KCNE1: variants seen among roughly 807,000 people sequenced by gnomAD.
KCNE1 encodes the protein potassium voltage-gated channel subfamily E member 1.
A neutral mutation model predicts 2.9 loss-of-function variants in KCNE1; 1 was observed. That is an observed-to-expected ratio of 0.34 (90% CI 0.12 to 1.62). KCNE1 has a LOEUF of 1.62. KCNE1 is among the 40% of genes most tolerant of loss of function. KCNE1 has a pLI of 0.36. For synonymous variants in KCNE1, 23 were observed against 65.4 expected, an observed-to-expected ratio of 0.35 and a Z score of 3.13; for missense variants, 45 against 150.5, an observed-to-expected ratio of 0.30 and a Z score of 3.67.
chr21:34,450,305 C>T (rs1040800301), intron 3 of KCNE1, among the ~76,000 whole-genome samples: 1 of 48,622 alleles, frequency 2.1e-5, no homozygotes, highest in Non-Finnish European at 3.7e-5. Flanking sequence ...ACTGGTTGCC[C>T]TTGGAAGCAA....
At chr21:34,503,909 C>T (rs1016153137) in intron 2 of KCNE1, among the ~76,000 whole-genome samples, 49 of 152,220 alleles carry the variant, frequency 3.2e-4, no homozygotes, top group Admixed American at 3.3e-4. Flanking sequence ...GCGCACCTCA[C>T]CTTGTGAATT....
At chr21:34,497,947 T>C (rs1199871078) in intron 2 of KCNE1, among the ~76,000 whole-genome samples, 1 of 152,126 alleles carries the variant, frequency 6.6e-6, no homozygotes, top group Non-Finnish European at 1.5e-5. Context: ...AGCTCTGAAG[T>C]TCTTTCGTCT....
At chr21:34,496,069 T>A (rs1982788287) in intron 2 of KCNE1, among the ~76,000 whole-genome samples, 1 of 151,380 alleles carries the variant, frequency 6.6e-6, no homozygotes, top group African/African-American at 2.4e-5. Context: ...GAGGTTCAGC[T>A]CAAATACTTT....
chr21:34,503,822 T>C (rs911454691), intron 2 of KCNE1, among the ~76,000 whole-genome samples: 1 of 152,244 alleles, frequency 6.6e-6, no homozygotes, highest in Non-Finnish European at 1.5e-5. Flanking sequence ...TAGATTCTTA[T>C]GAAAGGTAGG....
At chr21:34,497,755 T>C (rs1034412939) in intron 2 of KCNE1, among the ~76,000 whole-genome samples, 19 of 152,340 alleles carry the variant, frequency 1.2e-4, no homozygotes, top group Admixed American at 4.6e-4. Flanking sequence ...TCCTCAATTG[T>C]TCCCTCAAAT....
chr21:34,508,296 G>A lies in KCNE1; in HGVS notation c.-162+2805C>T, dbSNP rs145484116. ...GCCCGCCTCGGCTTTCCAAAGTGCT[G>A]GGATTATAGGCGTGAGCCACTGCAC... On this transcript the variant is annotated intron_variant, in intron 2 of 3. Transcript: ENST00000399286. Among the ~76,000 whole-genome samples the A allele has an allele frequency of 5.7e-3, 871 of 151,824 alleles. 3 individuals carry two copies. Among genetic ancestry groups the A allele is most frequent in the Non-Finnish European group, 0.01 (699 of 67,962 alleles).
intron 2 of KCNE1, among the ~76,000 whole-genome samples, chr21:34,496,841 C>T (rs958823339): frequency 1.3e-5 from 2 of 152,108 alleles, no homozygotes; most frequent in African/African-American, 4.8e-5. Context: ...TTTGAGAGCT[C>T]CAGTGTTGGG....
At chr21:34,498,521 G>A (rs753114779) in intron 2 of KCNE1, among the ~76,000 whole-genome samples, 3 of 152,194 alleles carry the variant, frequency 2.0e-5, no homozygotes, top group Non-Finnish European at 4.4e-5. Context: ...CTGGTGCTGC[G>A]GAATGTCTGC....
At chr21:34,496,264 A>G (rs1264697376) in intron 2 of KCNE1, among the ~76,000 whole-genome samples, 1 of 152,006 alleles carries the variant, frequency 6.6e-6, no homozygotes, top group Non-Finnish European at 1.5e-5. Flanking sequence ...TAGTAGAGAC[A>G]GGGTTTCACC....
chr21:34,496,566 T>TG (rs2123502101), intron 2 of KCNE1, among the ~76,000 whole-genome samples: 1 of 152,344 alleles, frequency 6.6e-6, no homozygotes, highest in East Asian at 1.9e-4. Context: ...TTGAGATGTT[T>TG]TTTGTGGCCT....
intron 2 of KCNE1, among the ~76,000 whole-genome samples, chr21:34,503,649 A>T (rs1016148385): frequency 2.6e-5 from 4 of 152,186 alleles, no homozygotes; most frequent in Non-Finnish European, 1.5e-5. Flanking sequence ...TAGCATACAA[A>T]AGACACTCAT....
At chr21:34,499,761 GCA>G (rs1228431250) in intron 2 of KCNE1, among the ~76,000 whole-genome samples, 1 of 152,228 alleles carries the variant, frequency 6.6e-6, no homozygotes, top group Non-Finnish European at 1.5e-5. Context: ...CTTTGGGAAT[GCA>G]CAGTTTTTTG....
intron 2 of KCNE1, among the ~76,000 whole-genome samples, chr21:34,498,087 C>A (rs1982921657): frequency 6.6e-6 from 1 of 151,952 alleles, no homozygotes; most frequent in African/African-American, 2.4e-5. Context: ...TCATCCATAT[C>A]CTGTATTGTC....
chr21:34,503,746 G>A (rs923638311), intron 2 of KCNE1, among the ~76,000 whole-genome samples: 1 of 152,154 alleles, frequency 6.6e-6, no homozygotes, highest in Non-Finnish European at 1.5e-5. Context: ...ATCAGCCATG[G>A]GTGAGTTTCT....
chr21:34,502,097 T>C (rs1165383017), intron 2 of KCNE1, among the ~76,000 whole-genome samples: 1 of 152,184 alleles, frequency 6.6e-6, no homozygotes, highest in African/African-American at 2.4e-5. Flanking sequence ...TTGTGCCAGC[T>C]CTCTAAAATA....
intron 2 of KCNE1, among the ~76,000 whole-genome samples, chr21:34,502,455 C>A (rs549765800): frequency 6.6e-6 from 1 of 152,334 alleles, no homozygotes; most frequent in African/African-American, 2.4e-5. Flanking sequence ...TGACACCAAT[C>A]AGGAATAAAA....
At chr21:34,499,342 C>T (rs974735552) in intron 2 of KCNE1, among the ~76,000 whole-genome samples, 12 of 152,350 alleles carry the variant, frequency 7.9e-5, no homozygotes, top group Admixed American at 2.0e-4. Flanking sequence ...GCACAGCTTT[C>T]GGGCCTTGCC....
At chr21:34,508,854 T>C (rs894442268) in intron 2 of KCNE1, among the ~76,000 whole-genome samples, 1 of 152,222 alleles carries the variant, frequency 6.6e-6, no homozygotes, top group Non-Finnish European at 1.5e-5. Context: ...TTTACTACAG[T>C]AGTATAGTTT....
chr21:34,496,891 C>G (rs1412680914), intron 2 of KCNE1, among the ~76,000 whole-genome samples: 2 of 152,134 alleles, frequency 1.3e-5, no homozygotes, highest in Non-Finnish European at 2.9e-5. Flanking sequence ...CCTGTTGCAG[C>G]AATCCTTTTA....
Sources: allele counts gnomAD v4.1 joint callset (sites outside exome capture counted in the v4.1 genomes callset), GRCh38; gene constraint gnomAD v4.1.1; transcripts MANE v1.5; gene names NCBI Gene and HGNC (gene_info 2026-07-23, HGNC 2026-07-21).